PPEF2: variants seen among roughly 807,000 people sequenced by gnomAD.
PPEF2 encodes serine/threonine-protein phosphatase with EF-hands 2.
In PPEF2, 84 loss-of-function variants were observed where a neutral mutation model predicts 84.7. The observed-to-expected ratio is 0.99, with a 90% CI of 0.83 to 1.19. The LOEUF is 1.19. Among genes scored for constraint, PPEF2 ranks in the 50% most tolerant of loss-of-function variants. The probability of loss-of-function intolerance (pLI) is 0.00; values close to 1 mark genes in which losing one functional copy is unlikely to be tolerated. For missense variants in PPEF2, 924 were observed against 937.5 expected (o/e 0.99, Z 0.19); for synonymous variants, 346 against 345.2 (o/e 1.00, Z -0.03).
At chr4:75,876,742 A>G in intron 10 of PPEF2, 69 bp from the exon 11 acceptor site, 1 of 1,462,900 alleles carries the variant, frequency 6.8e-7, no homozygotes, top group Non-Finnish European at 9.1e-7. Flanking sequence ...GTGGTGGCCC[A>G]CTCCTGTAAT....
intron 10 of PPEF2, among the ~76,000 whole-genome samples, chr4:75,878,128 G>C (rs1015748506): frequency 6.6e-6 from 1 of 152,206 alleles, no homozygotes; most frequent in Non-Finnish European, 1.5e-5. Flanking sequence ...TACCTGTTGG[G>C]GAAGGACAGG....
intron 16 of PPEF2, among the ~76,000 whole-genome samples, chr4:75,863,944 C>T (rs1339099263): frequency 1.3e-5 from 2 of 151,356 alleles, no homozygotes; most frequent in East Asian, 3.9e-4. Context: ...ACGACCTCGG[C>T]TCACTGCAAC....
At position 75,860,540 on chromosome 4, in the gene PPEF2, T is replaced by C. The variant is rs1723970194; in HGVS notation, c.*127A>G. Reference sequence around the variant, plus strand: ...ACCCCTCCACACTGAAATACACAGGTGATTCTGATGCATATGGATAGGTAA... The same window carrying C: ...ACCCCTCCACACTGAAATACACAGGCGATTCTGATGCATATGGATAGGTAA... On this transcript the variant is annotated 3_prime_UTR_variant, in exon 17 of 17. Transcript: ENST00000286719. The C allele has an allele frequency of 8.5e-7, 1 of 1,179,666 alleles. No individual in the cohort carries two copies. The highest frequency in any genetic ancestry group is 1.2e-6 in the Non-Finnish European group (1 of 840,722). 73.1% of individuals were successfully genotyped at this position (1,179,666 alleles called of 1,614,324 possible). A position where few individuals can be genotyped will look rare whatever the true frequency, so the allele number is the denominator to read the frequency against.
intron 1 of PPEF2, among the ~76,000 whole-genome samples, chr4:75,897,116 G>T (rs555053084): frequency 6.6e-6 from 1 of 152,188 alleles, no homozygotes; most frequent in African/African-American, 2.4e-5. Flanking sequence ...GCCTCCCAAA[G>T]TGCTGGGATT....
At chr4:75,884,493 C>A in intron 8 of PPEF2, 101 bp downstream of exon 8, 2 of 1,313,682 alleles carry the variant, frequency 1.5e-6, no homozygotes, top group Non-Finnish European at 2.1e-6. Context: ...AATTGGAAAA[C>A]TAGTTTTAAA....
rs1025995525 is a variant in PPEF2 at position 75,864,616 on chromosome 4, A to G, written c.1921-89T>C. 7.6e-6 allele frequency: 8 copies of G among 1,048,516 alleles called. No homozygotes were observed. In the African/African-American group the frequency reaches 1.3e-4, roughly 17 times the overall value. 65.0% of individuals were successfully genotyped at this position (1,048,516 alleles called of 1,614,324 possible). ...ACACACAATCAACCCTGACAATCAC[A>G]CATTCTTGAAAAAACCTGAAAATAT... On this transcript the variant is annotated intron_variant, in intron 15 of 16. Transcript: ENST00000286719.
chr4:75,872,225 C>T (rs1724299749), intron 12 of PPEF2, 58 bp from the exon 13 acceptor site: 1 of 1,544,340 alleles, frequency 6.5e-7, no homozygotes, highest in South Asian at 1.2e-5. Context: ...CCTTCACCCT[C>T]AATCCTATGT....
Position 75,878,498 on chromosome 4 carries a change from C to T in PPEF2, c.934-1825G>A, listed in dbSNP as rs186093301. 3.9e-5 allele frequency among the ~76,000 whole-genome samples: 6 copies of T among 152,296 alleles called. No individual in the cohort carries two copies. The East Asian group carries it at 5.8e-4, about 15-fold the overall frequency. On this transcript the variant is annotated intron_variant, in intron 10 of 16. Coordinates refer to ENST00000286719, the MANE Select transcript of PPEF2 (RefSeq NM_006239.3). The stretch of plus-strand genomic sequence containing the variant: ...TAAGGACTGTGATACAAGAAAGCCA[C>T]GTCCCAGCTTGGACTGGCTTAGGGC...
intron 16 of PPEF2, among the ~76,000 whole-genome samples, chr4:75,861,614 G>GTTTTTTTTTTTTTTTTTTTTTTTTTTGT (rs71210216): frequency 1.2e-5 from 1 of 86,146 alleles, no homozygotes; most frequent in African/African-American, 3.3e-5. Context: ...TTATGCAACA[G>GTTTTTTTTTTTTTTTTTTTTTTTTTTGT]TTTTTTTTTT....
Position 75,866,363 on chromosome 4 carries a change from G to C in PPEF2, c.1757-11C>G. 1 of 1,610,810 alleles carries C rather than the reference G, an allele frequency of 6.2e-7. No individual in the cohort carries two copies. The highest frequency in any genetic ancestry group is 8.5e-7 in the Non-Finnish European group (1 of 1,178,196). ...TCAAGGTGATTAAACCTACAGGTGAGAGCTAACCTGTTGCCTTGTCACCTA... is the reference window on the plus strand; with the variant it reads ...TCAAGGTGATTAAACCTACAGGTGACAGCTAACCTGTTGCCTTGTCACCTA... On this transcript the variant is annotated splice_polypyrimidine_tract_variant and intron_variant, in intron 14 of 16. Coordinates refer to ENST00000286719, the MANE Select transcript of PPEF2 (RefSeq NM_006239.3).
At position 75,876,326 on chromosome 4, in the gene PPEF2, G is replaced by A. The variant is rs1578005751; in HGVS notation, c.1281C>T (p.Ala427=). ...SRSASEADSE[A]GELRKPTQEE... is the part of the protein sequence containing the mutation. ...CCTGAGTGGGCTTCCGCAGCTCTCC[G>A]GCTTCAGAGTCTGCTTCTGAGGCTG... The change falls in exon 11 of 17, where the codon GCC becomes GCT. Residue 427 remains alanine (A), a synonymous_variant. Transcript: ENST00000286719. The A allele has an allele frequency of 1.2e-6, 2 of 1,612,888 alleles. No individual in the cohort carries two copies. Among genetic ancestry groups the A allele is most frequent in the African/African-American group, 1.3e-5 (1 of 74,920 alleles).
intron 13 of PPEF2, 73 bp downstream of exon 13, chr4:75,871,952 T>C: frequency 1.4e-6 from 2 of 1,436,358 alleles, no homozygotes; most frequent in South Asian, 2.7e-5. Flanking sequence ...AATATAACGT[T>C]TGACACTTCA....
chr4:75,888,142 C>T, intron 6 of PPEF2, 72 bp downstream of exon 6: 1 of 1,216,934 alleles, frequency 8.2e-7, no homozygotes, highest in Admixed American at 1.7e-5. Context: ...CGCCACTCCT[C>T]TTGCATCCCC....
chr4:75,868,529 C>A (rs2149215446), intron 13 of PPEF2, among the ~76,000 whole-genome samples: 1 of 152,044 alleles, frequency 6.6e-6, no homozygotes. Context: ...CTACATAGAT[C>A]CTTAGAAGAG....
chr4:75,884,749 C>T lies in PPEF2; in HGVS notation c.591G>A (p.Pro197=), dbSNP rs1976518. The T allele has an allele frequency of 0.96, 1,530,021 of 1,586,376 alleles. 743,863 individuals carry two copies. The highest frequency in any genetic ancestry group is 1 in the East Asian group (44,366 of 44,564). Residue 197 remains proline (P), a synonymous_variant, in exon 8 of 17, where the codon CCG becomes CCA. Transcript: ENST00000286719. ...LIFIFYKNGL[P]SPERSYVFNG... Reference sequence around the variant, plus strand: ...TGAACACATATGACCGTTCTGGCGACGGGAGGCCATTCTTTTCAACAAGGA... The same window carrying T: ...TGAACACATATGACCGTTCTGGCGATGGGAGGCCATTCTTTTCAACAAGGA...
intron 13 of PPEF2, among the ~76,000 whole-genome samples, chr4:75,870,232 C>A (rs912512937): frequency 6.6e-6 from 1 of 152,114 alleles, no homozygotes; most frequent in African/African-American, 2.4e-5. Context: ...ACTCCAGGTA[C>A]CAGGGCTCAC....
At chr4:75,883,582 G>T (rs1724634939) in intron 8 of PPEF2, 2 of 190,972 alleles carry the variant, frequency 1.0e-5, no homozygotes, top group South Asian at 2.0e-4. Context: ...ACTTTGGGAG[G>T]CTGAGATGGG....
Position 75,889,966 on chromosome 4 carries a change from T to C in PPEF2, c.408A>G (p.Arg136=). The C allele has an allele frequency of 6.2e-7, 1 of 1,614,144 alleles. No homozygotes were observed. Among genetic ancestry groups the C allele is most frequent in the Non-Finnish European group, 8.5e-7 (1 of 1,180,006 alleles). The change falls in exon 5 of 17, where the codon AGA becomes AGG. Residue 136 remains arginine, a synonymous_variant. Transcript: ENST00000286719. ...DHATALVEAF[R]LKQQLHARYV... ...CCCCAGGTGAGCTTACTTGTTTCAG[T>C]CTGAATGCTTCTACCAGGGCAGTTG...
chr4:75,875,148 G>T (rs1307983247), intron 11 of PPEF2, among the ~76,000 whole-genome samples: 1 of 151,644 alleles, frequency 6.6e-6, no homozygotes, highest in Non-Finnish European at 1.5e-5. Flanking sequence ...CTCGTGATCC[G>T]CCTGTCTCAG....
Sources: gnomAD v4.1 joint callset for allele counts (sites outside exome capture counted in the v4.1 genomes callset) on GRCh38, gnomAD v4.1.1 for gene constraint, MANE v1.5 for transcripts, NCBI Gene and HGNC (gene_info 2026-07-23, HGNC 2026-07-21) for gene names.